The following MTARC1 variants were observed in gnomAD, a reference collection of about 807,000 sequenced individuals.
MTARC1 encodes mitochondrial amidoxime-reducing component 1.
Under a neutral mutation model 33.6 loss-of-function variants are expected in MTARC1, and 24 were observed. That is an observed-to-expected ratio of 0.72 (90% CI 0.52 to 1.01). MTARC1 has a LOEUF of 1.01. Among genes scored for constraint, MTARC1 ranks in the 50% least tolerant of loss-of-function variants. MTARC1 has a pLI of 0.00. For missense variants in MTARC1, 417 were observed against 445.7 expected (o/e 0.94, Z 0.58); for synonymous variants, 187 against 189.5 (o/e 0.99, Z 0.11).
At chr1:220,799,560 T>C (rs1456320580) in intron 4 of MTARC1, among the ~76,000 whole-genome samples, 1 of 152,124 alleles carries the variant, frequency 6.6e-6, no homozygotes, top group Non-Finnish European at 1.5e-5. Context: ...TGCGCTTAAG[T>C]ATGTTGTCTC....
intron 6 of MTARC1, among the ~76,000 whole-genome samples, chr1:220,811,787 G>T (rs949282932): frequency 1.3e-5 from 2 of 152,114 alleles, no homozygotes; most frequent in African/African-American, 4.8e-5. Flanking sequence ...TTTTCTGCTG[G>T]ACAAAAATAT....
intron 6 of MTARC1, among the ~76,000 whole-genome samples, chr1:220,807,897 G>A (rs976522260): frequency 2.0e-5 from 3 of 152,214 alleles, no homozygotes; most frequent in South Asian, 2.1e-4. Flanking sequence ...GGAAGATCCC[G>A]GGCTGGGAGT....
intron 2 of MTARC1, among the ~76,000 whole-genome samples, chr1:220,795,230 T>G (rs1672572405): frequency 6.6e-6 from 1 of 152,214 alleles, no homozygotes; most frequent in Non-Finnish European, 1.5e-5. Flanking sequence ...GTTTGGGGAC[T>G]TCTTACGGAT....
At position 220,791,556 on chromosome 1, in the gene MTARC1, T is replaced by C. The variant is rs1422047673; in HGVS notation, c.341T>C (p.Leu114Pro). The change falls in exon 2 of 7, where the codon CTG becomes CCG. Residue 114 changes from leucine (L) to proline (P), a missense_variant. Transcript: ENST00000366910. The stretch of plus-strand genomic sequence containing the variant: ...GCTCGCCAGGAACCTCGCCTGGTCC[T>C]GATTTCCCTGACCTGCGATGGTGAC... ...VTARQEPRLVLISLTCDGDTL... is the reference protein window; with the variant it reads ...VTARQEPRLVPISLTCDGDTL... The C allele has an allele frequency of 6.2e-7, 1 of 1,614,212 alleles. No individual in the cohort carries two copies. Among genetic ancestry groups the C allele is most frequent in the African/African-American group, 1.3e-5 (1 of 75,054 alleles).
intron 6 of MTARC1, among the ~76,000 whole-genome samples, chr1:220,807,886 G>A (rs1342612023): frequency 2.6e-5 from 4 of 152,058 alleles, no homozygotes; most frequent in South Asian, 2.1e-4. Flanking sequence ...GTGGGCCAGC[G>A]GGAAGATCCC....
In MTARC1 at chr1:220,817,552, A is replaced by T. The variant is rs1244637830; in HGVS notation, c.*4134A>T. ...GGTGCATTTACAATCCTTTAGCTAG[A>T]CACAGAGTGCCGATTGGTGAGTTTT... is the stretch of plus-strand genomic sequence containing the variant. On this transcript the variant is annotated 3_prime_UTR_variant, in exon 7 of 7. Coordinates refer to ENST00000366910, the MANE Select transcript of MTARC1 (RefSeq NM_022746.4). The T allele has an allele frequency of 2.2e-5, 2 of 92,720 alleles. No homozygotes were observed. Among genetic ancestry groups the T allele is most frequent in the Non-Finnish European group, 5.3e-5 (2 of 37,538 alleles). The allele number at this position is 92,720 out of a possible 1,614,324, so 5.7% of individuals were successfully genotyped here. A position where few individuals can be genotyped will look rare whatever the true frequency, so the allele number is the denominator to read the frequency against.
At chr1:220,804,955 T>C in intron 4 of MTARC1, 97 bp from the exon 5 acceptor site, 1 of 1,292,824 alleles carries the variant, frequency 7.7e-7, no homozygotes, top group Non-Finnish European at 1.1e-6. Context: ...CTGATGTGGG[T>C]GACATCGTTA....
In MTARC1 at chr1:220,804,993, C is replaced by T. The variant is rs573713940; in HGVS notation, c.754-59C>T. On this transcript the variant is annotated intron_variant, in intron 4 of 6. Transcript: ENST00000366910. ...TGCGAGGGCTCCTGGGAAATCTCTACACACGTGTCAGGGGCAGGGCCCAGA... is the reference window on the plus strand; with the variant it reads ...TGCGAGGGCTCCTGGGAAATCTCTATACACGTGTCAGGGGCAGGGCCCAGA... The T allele has an allele frequency of 1.5e-5, 23 of 1,578,864 alleles. No individual in the cohort carries two copies. In the South Asian group the frequency reaches 1.5e-4, roughly 11 times the overall value.
intron 4 of MTARC1, among the ~76,000 whole-genome samples, chr1:220,801,633 A>T (rs1267830759): frequency 6.6e-6 from 1 of 152,080 alleles, no homozygotes; most frequent in African/African-American, 2.4e-5. Context: ...AGAGGAGGGG[A>T]GCTGAGAGCA....
intron 6 of MTARC1, among the ~76,000 whole-genome samples, chr1:220,807,808 G>A (rs1002521676): frequency 6.6e-6 from 1 of 152,048 alleles, no homozygotes; most frequent in Non-Finnish European, 1.5e-5. Context: ...CTCACCATCA[G>A]AACAAACCAG....
Position 220,809,492 on chromosome 1 carries a change from A to AATTTAATTTAATTTAATTTG in MTARC1, c.888-3781_888-3780insGATTTAATTTAATTTAATTT, listed in dbSNP as rs71914392. On this transcript the variant is annotated intron_variant, in intron 6 of 6. Coordinates refer to ENST00000366910, the MANE Select transcript of MTARC1 (RefSeq NM_022746.4). ...CGTTCACGATGCCGTCTAATTCTTC[A>AATTTAATTTAATTTAATTTG]ATTTAATTTAATTTAATTTAATTTA... Among the ~76,000 whole-genome samples the AATTTAATTTAATTTAATTTG allele has an allele frequency of 2.2e-3, 244 of 109,668 alleles. 1 individual carries two copies. Among genetic ancestry groups the AATTTAATTTAATTTAATTTG allele is most frequent in the African/African-American group, 8.4e-3 (210 of 25,060 alleles). 71.9% of individuals were successfully genotyped at this position (109,668 alleles called of 152,430 possible).
chr1:220,797,507 T>A (rs560548011), intron 3 of MTARC1, among the ~76,000 whole-genome samples: 90 of 152,226 alleles, frequency 5.9e-4, no homozygotes, highest in Non-Finnish European at 1.6e-4. Flanking sequence ...AAATAAGTAT[T>A]CATGGAATTA....
intron 6 of MTARC1, among the ~76,000 whole-genome samples, chr1:220,809,962 C>A (rs1673078219): frequency 6.6e-6 from 1 of 152,178 alleles, no homozygotes; most frequent in Admixed American, 6.5e-5. Flanking sequence ...GTAAACCAGG[C>A]AGGGTAAACA....
intron 2 of MTARC1, chr1:220,794,251 A>C (rs1210276490): frequency 2.1e-5 from 3 of 146,252 alleles, no homozygotes; most frequent in East Asian, 3.9e-4. Flanking sequence ...TAAGGGTTTG[A>C]CTGGAGAAAG....
chr1:220,808,967 G>C (rs550724438), intron 6 of MTARC1: 1 of 453,026 alleles, frequency 2.2e-6, no homozygotes, highest in Non-Finnish European at 4.5e-6. Context: ...CACAGTTACT[G>C]CATGGGTACT....
intron 6 of MTARC1, among the ~76,000 whole-genome samples, chr1:220,807,639 G>A (rs1400014531): frequency 6.6e-6 from 1 of 152,148 alleles, no homozygotes; most frequent in African/African-American, 2.4e-5. Flanking sequence ...GTTAAGCTCA[G>A]AATTCAAGCA....
intron 3 of MTARC1, among the ~76,000 whole-genome samples, chr1:220,797,161 T>C (rs1672648270): frequency 6.6e-6 from 1 of 152,194 alleles, no homozygotes; most frequent in African/African-American, 2.4e-5. Flanking sequence ...ATTCCAATTG[T>C]GCAAGTTGGC....
chr1:220,797,008 C>T lies in MTARC1; in HGVS notation c.612+203C>T, dbSNP rs115665546. Among the ~76,000 whole-genome samples, 350 of 152,302 alleles carry T rather than the reference C, an allele frequency of 2.3e-3. 3 individuals carry two copies. The highest frequency in any genetic ancestry group is 7.7e-3 in the African/African-American group (318 of 41,568). ...TTTGGGGGACTCTTGAATTTTTGCC[C>T]TTGAGCATCTACCTTCCTATTTGTG... On this transcript the variant is annotated intron_variant, in intron 3 of 6. Transcript: ENST00000366910.
chr1:220,786,953 C>T lies in MTARC1; in HGVS notation c.9C>T (p.Ala3=). ...TCGCGGAGAAGCCAGCCATGGGCGCCGCCGGCTCCTCCGCGCTGGCGCGCT... is the reference window on the plus strand; with the variant it reads ...TCGCGGAGAAGCCAGCCATGGGCGCTGCCGGCTCCTCCGCGCTGGCGCGCT... The part of the protein sequence containing the change: MG[A]AGSSALARFV... The change falls in exon 1 of 7, where the codon GCC becomes GCT. Residue 3 remains alanine, a synonymous_variant. Transcript: ENST00000366910. 1 of 1,241,774 alleles carries T rather than the reference C, an allele frequency of 8.1e-7. No homozygotes were observed. Among genetic ancestry groups the T allele is most frequent in the Non-Finnish European group, 1.0e-6 (1 of 995,430 alleles). The allele number at this position is 1,241,774 out of a possible 1,614,324, so 76.9% of individuals were successfully genotyped here.
Sources: allele counts gnomAD v4.1 joint callset (sites outside exome capture counted in the v4.1 genomes callset), GRCh38; gene constraint gnomAD v4.1.1; transcripts MANE v1.5; gene names NCBI Gene and HGNC (gene_info 2026-07-23, HGNC 2026-07-21).